The following ANP32B variants were observed in gnomAD, a reference collection of about 807,000 sequenced individuals.
ANP32B encodes the protein acidic leucine-rich nuclear phosphoprotein 32 family member B.
A neutral mutation model predicts 32.2 loss-of-function variants in ANP32B; 6 were observed. The observed-to-expected ratio is 0.19, with a 90% CI of 0.10 to 0.37. ANP32B has a LOEUF of 0.37. ANP32B is among the 10% of genes least tolerant of loss of function. The pLI is 1.00. For synonymous variants in ANP32B, 98 were observed against 105.8 expected (o/e 0.93, Z 0.45); for missense variants, 204 against 289.2 (o/e 0.71, Z 2.14).
chr9:98,010,732 C>G (rs1828169037), intron 4 of ANP32B, among the ~76,000 whole-genome samples: 1 of 152,128 alleles, frequency 6.6e-6, no homozygotes. Context: ...GCAGGTGCCT[C>G]TCAGCCTCCT....
chr9:98,010,835 A>C (rs906489215), intron 4 of ANP32B, among the ~76,000 whole-genome samples: 7 of 111,854 alleles, frequency 6.3e-5, no homozygotes, highest in Admixed American at 3.2e-4. Context: ...AAGAGAAGGT[A>C]CATGATTTTT....
intron 3 of ANP32B, among the ~76,000 whole-genome samples, 183 bp from the exon 4 acceptor site, chr9:98,004,781 A>G (rs1828050182): frequency 6.6e-6 from 1 of 152,244 alleles, no homozygotes; most frequent in Non-Finnish European, 1.5e-5. Flanking sequence ...AAAGGAAGAG[A>G]GGGACTAAAG....
chr9:97,993,222 G>C (rs2131583417), intron 1 of ANP32B, among the ~76,000 whole-genome samples: 1 of 152,244 alleles, frequency 6.6e-6, no homozygotes, highest in South Asian at 2.1e-4. Flanking sequence ...CTATGTTGTG[G>C]GCATTGCTGA....
At chr9:97,996,979 C>T (rs1364169678) in intron 2 of ANP32B, among the ~76,000 whole-genome samples, 1 of 152,166 alleles carries the variant, frequency 6.6e-6, no homozygotes, top group Non-Finnish European at 1.5e-5. Flanking sequence ...ATTTACACAT[C>T]TATTTCATTT....
chr9:98,009,563 G>A (rs897428401), intron 4 of ANP32B, among the ~76,000 whole-genome samples: 1 of 152,188 alleles, frequency 6.6e-6, no homozygotes, highest in Non-Finnish European at 1.5e-5. Context: ...CCTCACATGC[G>A]CAGTTCACAA....
intron 1 of ANP32B, among the ~76,000 whole-genome samples, chr9:97,984,171 T>C (rs1235482719): frequency 2.7e-5 from 4 of 149,486 alleles, no homozygotes; most frequent in East Asian, 2.0e-4. Context: ...TTTTTTCTTT[T>C]GAAGGGAGCG....
chr9:97,994,570 C>CATTGT, intron 1 of ANP32B, 61 bp from the exon 2 acceptor site: 1 of 1,532,634 alleles, frequency 6.5e-7, no homozygotes, highest in South Asian at 1.2e-5. Context: ...GAAGTTTCTG[C>CATTGT]ATTGTTGTTT....
In ANP32B at chr9:98,015,536, C is replaced by T; in HGVS notation, c.*105C>T. 1 of 1,436,366 alleles carries T rather than the reference C, an allele frequency of 7.0e-7. No homozygotes were observed. The allele number at this position is 1,436,366 out of a possible 1,614,324, so 89.0% of individuals were successfully genotyped here. A position where few individuals can be genotyped will look rare whatever the true frequency, so the allele number is the denominator to read the frequency against. ...AAAAAAGGTAGCTGTGATACAAACC[C>T]CAGGACACCCACCCACCCAAAGAGC... On this transcript the variant is annotated 3_prime_UTR_variant, in exon 7 of 7. Coordinates refer to ENST00000339399, the MANE Select transcript of ANP32B (RefSeq NM_006401.3).
intron 4 of ANP32B, among the ~76,000 whole-genome samples, chr9:98,006,921 G>C (rs1182747339): frequency 6.6e-6 from 1 of 152,058 alleles, no homozygotes; most frequent in South Asian, 2.1e-4. Context: ...CTGGGAGGCG[G>C]AGGTTGCAGT....
chr9:97,997,861 C>G (rs1827930402), intron 2 of ANP32B, among the ~76,000 whole-genome samples: 1 of 152,180 alleles, frequency 6.6e-6, no homozygotes, highest in East Asian at 1.9e-4. Flanking sequence ...AAGGCTCATT[C>G]CCTCATTGGC....
At chr9:97,983,653 C>T (rs1827637021) in intron 1 of ANP32B, 44 bp downstream of exon 1, 1 of 1,466,870 alleles carries the variant, frequency 6.8e-7, no homozygotes, top group Non-Finnish European at 9.2e-7. Context: ...CGATGACTTG[C>T]ATGTAATGGT....
At chr9:97,989,953 C>G (rs572906437) in intron 1 of ANP32B, among the ~76,000 whole-genome samples, 2 of 152,206 alleles carry the variant, frequency 1.3e-5, no homozygotes, top group African/African-American at 2.4e-5. Context: ...CATAAATTCT[C>G]CCTTTGGAGT....
intron 1 of ANP32B, among the ~76,000 whole-genome samples, chr9:97,984,170 T>C (rs1281245166): frequency 6.7e-6 from 1 of 149,830 alleles, no homozygotes; most frequent in Non-Finnish European, 1.5e-5. Flanking sequence ...CTTTTTTCTT[T>C]TGAAGGGAGC....
At position 98,011,400 on chromosome 9, in the gene ANP32B, C is replaced by T; in HGVS notation, c.636+11C>T. On this transcript the variant is annotated intron_variant, in intron 5 of 6. Coordinates refer to ENST00000339399, the MANE Select transcript of ANP32B (RefSeq NM_006401.3). The stretch of plus-strand genomic sequence containing the variant: ...GAAGTCAGTGAGGAGGTCAGTGCAG[C>T]TGTTTTCTACCCTGCTTCCTATTTG... 1 of 1,587,362 alleles carries T rather than the reference C, an allele frequency of 6.3e-7. No homozygotes were observed. The highest frequency in any genetic ancestry group is 8.6e-7 in the Non-Finnish European group (1 of 1,164,328).
intron 2 of ANP32B, among the ~76,000 whole-genome samples, chr9:97,998,076 G>A (rs1045912051): frequency 2.6e-5 from 4 of 152,180 alleles, no homozygotes; most frequent in African/African-American, 9.7e-5. Context: ...AGCTTTCAGA[G>A]CAACATTCCC....
At chr9:98,000,676 C>G (rs1827974728) in intron 3 of ANP32B, among the ~76,000 whole-genome samples, 1 of 152,112 alleles carries the variant, frequency 6.6e-6, no homozygotes, top group Admixed American at 6.5e-5. Context: ...GTAATCCCAG[C>G]ACTTTGGGAG....
intron 1 of ANP32B, chr9:97,984,554 G>C (rs931689096): frequency 2.8e-5 from 4 of 143,606 alleles, no homozygotes; most frequent in Non-Finnish European, 6.1e-5. Context: ...ACGCCAGCCG[G>C]GGCGCGCCAC....
At chr9:98,006,608 A>G (rs1287186295) in intron 4 of ANP32B, among the ~76,000 whole-genome samples, 1 of 152,258 alleles carries the variant, frequency 6.6e-6, no homozygotes, top group East Asian at 1.9e-4. Context: ...CTTAAATTAC[A>G]GGTTCATTGC....
At chr9:97,983,941 T>C (rs943183342) in intron 1 of ANP32B, among the ~76,000 whole-genome samples, 5 of 151,608 alleles carry the variant, frequency 3.3e-5, no homozygotes, top group African/African-American at 9.7e-5. Flanking sequence ...TGTGTAACGC[T>C]GGGAGCCATG....
Sources: gnomAD v4.1 joint callset for allele counts (sites outside exome capture counted in the v4.1 genomes callset) on GRCh38, gnomAD v4.1.1 for gene constraint, MANE v1.5 for transcripts, NCBI Gene and HGNC (gene_info 2026-07-23, HGNC 2026-07-21) for gene names.